Variants in PCDHB11 observed in about 807,000 individuals in gnomAD.
PCDHB11 encodes the protein protocadherin beta 11.
For missense variants in PCDHB11, 1,151 were observed against 1,003.4 expected (o/e 1.15, Z -1.99); for synonymous variants, 522 against 442.0 (o/e 1.18, Z -2.27).
Position 141,201,989 on chromosome 5 carries a change from G to A in PCDHB11, c.2215G>A (p.Val739Met), listed in dbSNP as rs113657993. The change falls in exon 1 of 1, where the codon GTG (valine) becomes ATG (methionine). Residue 739 changes from valine to methionine, a missense_variant. Coordinates refer to ENST00000354757, the MANE Select transcript of PCDHB11 (RefSeq NM_018931.3). ...CCCCTTTCCAGGGCATCTGGTGGAC[G>A]TGAGCGGCACCGGGACCCTTTCCCA... The part of the protein sequence containing the change: ...KGPFPGHLVD[V>M]SGTGTLSQSY... 6.2e-7 allele frequency: 1 copy of A among 1,614,174 alleles called. No individual in the cohort carries two copies. The highest frequency in any genetic ancestry group is 1.1e-5 in the South Asian group (1 of 91,082).
Position 141,202,252 on chromosome 5 carries a change from A to T in PCDHB11, c.*84A>T. On this transcript the variant is annotated 3_prime_UTR_variant, in exon 1 of 1. Transcript: ENST00000354757. Reference sequence around the variant, plus strand: ...TATTTAGTCTTAAACTAGTTACGTTATTATGCAATACGACTAATTGTATTT... The same window carrying T: ...TATTTAGTCTTAAACTAGTTACGTTTTTATGCAATACGACTAATTGTATTT... 8.5e-7 allele frequency: 1 copy of T among 1,171,600 alleles called. No homozygotes were observed. Among genetic ancestry groups the T allele is most frequent in the Non-Finnish European group, 1.2e-6 (1 of 845,626 alleles). 72.6% of individuals were successfully genotyped at this position (1,171,600 alleles called of 1,614,324 possible).
Position 141,202,378 on chromosome 5 carries a change from C to A in PCDHB11, c.*210C>A, listed in dbSNP as rs1588380865. On this transcript the variant is annotated 3_prime_UTR_variant, in exon 1 of 1. Coordinates refer to ENST00000354757, the MANE Select transcript of PCDHB11 (RefSeq NM_018931.3). ...GCAATGGTGTGATCTCAGCTCACTGCACCCTCCGCCTCTCGGGTTCAAGCA... is the reference window on the plus strand; with the variant it reads ...GCAATGGTGTGATCTCAGCTCACTGAACCCTCCGCCTCTCGGGTTCAAGCA... The A allele has an allele frequency of 2.4e-6, 1 of 416,406 alleles. No individual in the cohort carries two copies. The highest frequency in any genetic ancestry group is 4.1e-6 in the Non-Finnish European group (1 of 241,204). The allele number at this position is 416,406 out of a possible 1,614,324, so 25.8% of individuals were successfully genotyped here. A position where few individuals can be genotyped will look rare whatever the true frequency, so the allele number is the denominator to read the frequency against.
At position 141,201,988 on chromosome 5, in the gene PCDHB11, C is replaced by G. The variant is rs372415356; in HGVS notation, c.2214C>G (p.Asp738Glu). ...PKGPFPGHLV[D>E]VSGTGTLSQS... ...GCCCCTTTCCAGGGCATCTGGTGGA[C>G]GTGAGCGGCACCGGGACCCTTTCCC... The change falls in exon 1 of 1, where the codon GAC (aspartate) becomes GAG (glutamate). Residue 738 changes from aspartate (D) to glutamate (E), a missense_variant. Coordinates refer to ENST00000354757, the MANE Select transcript of PCDHB11 (RefSeq NM_018931.3). 4 of 1,614,050 alleles carry G rather than the reference C, an allele frequency of 2.5e-6. No individual in the cohort carries two copies. Among genetic ancestry groups the G allele is most frequent in the East Asian group, 2.2e-5 (1 of 44,882 alleles).
rs1754213949 is a variant in PCDHB11 at position 141,202,022 on chromosome 5, C to G, written c.2248C>G (p.Gln750Glu). 1.2e-6 allele frequency: 2 copies of G among 1,614,182 alleles called. No individual in the cohort carries two copies. Among genetic ancestry groups the G allele is most frequent in the Non-Finnish European group, 1.7e-6 (2 of 1,180,036 alleles). The change falls in exon 1 of 1, where the codon CAG becomes GAG. Residue 750 changes from glutamine (Q) to glutamate (E), a missense_variant. Transcript: ENST00000354757. ...SGTGTLSQSY[Q>E]YEVCLTGGSE... Reference sequence around the variant, plus strand: ...CACCGGGACCCTTTCCCAGAGCTACCAGTACGAGGTGTGTCTGACGGGAGG... The same window carrying G: ...CACCGGGACCCTTTCCCAGAGCTACGAGTACGAGGTGTGTCTGACGGGAGG...
At position 141,199,918 on chromosome 5, in the gene PCDHB11, G is replaced by A; in HGVS notation, c.144G>A (p.Leu48=). 1 of 1,614,158 alleles carries A rather than the reference G, an allele frequency of 6.2e-7. No homozygotes were observed. The highest frequency in any genetic ancestry group is 8.5e-7 in the Non-Finnish European group (1 of 1,180,034). The part of the protein sequence containing the change: ...EMQSGSFVGN[L]AKDLGLKVRE... Reference sequence around the variant, plus strand: ...AGAGCGGGAGTTTTGTAGGCAATCTGGCAAAGGACCTGGGGCTGAAGGTGA... The same window carrying A: ...AGAGCGGGAGTTTTGTAGGCAATCTAGCAAAGGACCTGGGGCTGAAGGTGA... The change falls in exon 1 of 1, where the codon CTG becomes CTA. Residue 48 remains leucine, a synonymous_variant. Coordinates refer to ENST00000354757, the MANE Select transcript of PCDHB11 (RefSeq NM_018931.3).
rs147936772 is a variant in PCDHB11, at chr5:141,201,182, A to C, written c.1408A>C (p.Ile470Leu). The change falls in exon 1 of 1, where the codon ATC becomes CTC. Residue 470 changes from isoleucine (I) to leucine (L), a missense_variant. Transcript: ENST00000354757. ...CGAGAACAACAGCCCCGCCCTGCAC[A>C]TCGGCAGTGTCAGCGCTACAGACAG... ...VRENNSPALH[I>L]GSVSATDRDS... 1 of 1,613,402 alleles carries C rather than the reference A, an allele frequency of 6.2e-7. No individual in the cohort carries two copies. Among genetic ancestry groups the C allele is most frequent in the Admixed American group, 1.7e-5 (1 of 60,006 alleles).
chr5:141,202,073 C>T lies in PCDHB11; in HGVS notation c.2299C>T (p.Leu767=). ...TTCCGAGACAAATGAATTCAAGTTC[C>T]TAAAACCGGTTATCCCTAATATCCA... is the stretch of plus-strand genomic sequence containing the variant. ...GGSETNEFKF[L]KPVIPNIQAK... Residue 767 remains leucine, a synonymous_variant, in exon 1 of 1, where the codon CTA becomes TTA. Transcript: ENST00000354757. 1.1e-5 allele frequency: 17 copies of T among 1,614,144 alleles called. No individual in the cohort carries two copies. Among genetic ancestry groups the T allele is most frequent in the Non-Finnish European group, 1.4e-5 (17 of 1,180,020 alleles).
In PCDHB11 at chr5:141,200,526, T is replaced by C. The variant is rs1554285314; in HGVS notation, c.752T>C (p.Ile251Thr). Residue 251 changes from isoleucine to threonine, a missense_variant, in exon 1 of 1, where the codon ATT (isoleucine) becomes ACT (threonine). By Grantham distance (89) the Ile-to-Thr change is moderately conservative. Coordinates refer to ENST00000354757, the MANE Select transcript of PCDHB11 (RefSeq NM_018931.3). ...GAGCAGGCTTTTTATGAGGTGAAGA[T>C]TCGGGAGAATAGCATCCTTGGCTCG... Reference protein sequence around the residue: ...EFEQAFYEVKIRENSILGSLI... With the variant: ...EFEQAFYEVKTRENSILGSLI... The C allele has an allele frequency of 3.1e-6, 5 of 1,614,182 alleles. No individual in the cohort carries two copies. In the Admixed American group the frequency reaches 6.7e-5, roughly 22 times the overall value.
Position 141,200,380 on chromosome 5 carries a change from T to C in PCDHB11, c.606T>C (p.Tyr202=). The C allele has an allele frequency of 6.2e-7, 1 of 1,614,188 alleles. No individual in the cohort carries two copies. Among genetic ancestry groups the C allele is most frequent in the Non-Finnish European group, 8.5e-7 (1 of 1,180,022 alleles). ...TAGTTCTGGACAAGGCGCTGGATTA[T>C]GAAGAGCTCCCGGAGCTCAGTTTCA... ...PELVLDKALD[Y]EELPELSFIL... is the part of the protein sequence containing the mutation. The change falls in exon 1 of 1, where the codon TAT becomes TAC. Residue 202 remains tyrosine (Y), a synonymous_variant. Coordinates refer to ENST00000354757, the MANE Select transcript of PCDHB11 (RefSeq NM_018931.3).
In PCDHB11 at chr5:141,199,977, C is replaced by T. The variant is rs148043227; in HGVS notation, c.203C>T (p.Ser68Phe). 6.3e-5 allele frequency: 101 copies of T among 1,614,100 alleles called. No homozygotes were observed. Among genetic ancestry groups the T allele is most frequent in the Admixed American group, 5.0e-4 (30 of 60,014 alleles). ...ELSSRGARVV[S>F]NDKKQRLQLD... ...TCCTCACGGGGGGCTCGGGTGGTCT[C>T]TAATGATAAGAAACAGCGTTTGCAG... Residue 68 changes from serine (S) to phenylalanine (F), a missense_variant, in exon 1 of 1, where the codon TCT becomes TTT. Coordinates refer to ENST00000354757, the MANE Select transcript of PCDHB11 (RefSeq NM_018931.3).
In PCDHB11 at chr5:141,203,485, T is replaced by C. The variant is rs1173737479; in HGVS notation, c.*1317T>C. 6.6e-6 allele frequency: 1 copy of C among 152,234 alleles called. No individual in the cohort carries two copies. Among genetic ancestry groups the C allele is most frequent in the Non-Finnish European group, 1.5e-5 (1 of 68,044 alleles). The allele number at this position is 152,234 out of a possible 1,614,324, so 9.4% of individuals were successfully genotyped here. The stretch of plus-strand genomic sequence containing the variant: ...CTGCCCTTCCAACCTTATTCTAACA[T>C]TCTATTTATTCATTTAAAAAGCCAC... On this transcript the variant is annotated 3_prime_UTR_variant, in exon 1 of 1. Transcript: ENST00000354757.
rs148762649 is a variant in PCDHB11, at chr5:141,202,042, G to A, written c.2268G>A (p.Thr756=). 2.0e-5 allele frequency: 32 copies of A among 1,614,046 alleles called. No individual in the cohort carries two copies. The highest frequency in any genetic ancestry group is 4.0e-5 in the African/African-American group (3 of 74,920). ...SQSYQYEVCL[T]GGSETNEFKF... Reference sequence around the variant, plus strand: ...GCTACCAGTACGAGGTGTGTCTGACGGGAGGTTCCGAGACAAATGAATTCA... The same window carrying A: ...GCTACCAGTACGAGGTGTGTCTGACAGGAGGTTCCGAGACAAATGAATTCA... Residue 756 remains threonine, a synonymous_variant, in exon 1 of 1, where the codon ACG becomes ACA. Coordinates refer to ENST00000354757, the MANE Select transcript of PCDHB11 (RefSeq NM_018931.3).
Position 141,201,512 on chromosome 5 carries a change from G to T in PCDHB11, c.1738G>T (p.Ala580Ser). 1 of 1,608,602 alleles carries T rather than the reference G, an allele frequency of 6.2e-7. No homozygotes were observed. Among genetic ancestry groups the T allele is most frequent in the East Asian group, 2.2e-5 (1 of 44,816 alleles). ...CTGCACCGAGCTGGTGCCCCGGGCG[G>T]CCGAGCCGGGCTACCTGGTGACCAA... ...APCTELVPRA[A>S]EPGYLVTKVV... Residue 580 changes from alanine (A) to serine (S), a missense_variant, in exon 1 of 1, where the codon GCC becomes TCC. Ala to Ser is a moderately conservative substitution (Grantham distance 99). Transcript: ENST00000354757.
Position 141,201,122 on chromosome 5 carries a change from A to G in PCDHB11, c.1348A>G (p.Thr450Ala), listed in dbSNP as rs61739364. The G allele has an allele frequency of 4.3e-5, 70 of 1,613,768 alleles. No individual in the cohort carries two copies. Among genetic ancestry groups the G allele is most frequent in the Non-Finnish European group, 5.5e-5 (65 of 1,180,006 alleles). The change falls in exon 1 of 1, where the codon ACC (threonine) becomes GCC (alanine). Residue 450 changes from threonine to alanine, a missense_variant. Coordinates refer to ENST00000354757, the MANE Select transcript of PCDHB11 (RefSeq NM_018931.3). ...CTCTGACGTCAATGACAACGCCCCC[A>G]CCTTCACCCAAACCTCCTACACCCT... ...LVSDVNDNAP[T>A]FTQTSYTLFV...
Position 141,202,288 on chromosome 5 carries a change from C to A in PCDHB11, c.*120C>A. 8 of 995,178 alleles carry A rather than the reference C, an allele frequency of 8.0e-6. No individual in the cohort carries two copies. Among genetic ancestry groups the A allele is most frequent in the East Asian group, 2.8e-5 (1 of 36,130 alleles). The allele number at this position is 995,178 out of a possible 1,614,324, so 61.6% of individuals were successfully genotyped here. A position where few individuals can be genotyped will look rare whatever the true frequency, so the allele number is the denominator to read the frequency against. On this transcript the variant is annotated 3_prime_UTR_variant, in exon 1 of 1. Coordinates refer to ENST00000354757, the MANE Select transcript of PCDHB11 (RefSeq NM_018931.3). Reference sequence around the variant, plus strand: ...CGACTAATTGTATTTTTAATTTTTTCTTTTCTCCCCCAATTTTTTTTTTTT... The same window carrying A: ...CGACTAATTGTATTTTTAATTTTTTATTTTCTCCCCCAATTTTTTTTTTTT...
rs781938950 is a variant in PCDHB11 at position 141,199,967 on chromosome 5, C to T, written c.193C>T (p.Arg65Trp). 6 of 1,614,030 alleles carry T rather than the reference C, an allele frequency of 3.7e-6. No homozygotes were observed. The highest frequency in any genetic ancestry group is 5.1e-6 in the Non-Finnish European group (6 of 1,180,022). Reference sequence around the variant, plus strand: ...GAGAGAACTGTCCTCACGGGGGGCTCGGGTGGTCTCTAATGATAAGAAACA... The same window carrying T: ...GAGAGAACTGTCCTCACGGGGGGCTTGGGTGGTCTCTAATGATAAGAAACA... Reference protein sequence around the residue: ...KVRELSSRGARVVSNDKKQRL... With the variant: ...KVRELSSRGAWVVSNDKKQRL... Residue 65 changes from arginine to tryptophan, a missense_variant, in exon 1 of 1, where the codon CGG becomes TGG. Coordinates refer to ENST00000354757, the MANE Select transcript of PCDHB11 (RefSeq NM_018931.3).
chr5:141,200,442 C>G lies in PCDHB11; in HGVS notation c.668C>G (p.Ser223Cys). 2 of 1,614,130 alleles carry G rather than the reference C, an allele frequency of 1.2e-6. No individual in the cohort carries two copies. Among genetic ancestry groups the G allele is most frequent in the Non-Finnish European group, 1.7e-6 (2 of 1,180,020 alleles). ...SALDGGSPPR[S>C]GTALVRVVVV... The stretch of plus-strand genomic sequence containing the variant: ...CTGGATGGTGGGTCCCCTCCCAGGT[C>G]TGGAACTGCCTTGGTCAGGGTGGTG... Residue 223 changes from serine (S) to cysteine (C), a missense_variant, in exon 1 of 1, where the codon TCT (serine) becomes TGT (cysteine). Physicochemically the swap from Ser to Cys is moderately radical, Grantham distance 112. Coordinates refer to ENST00000354757, the MANE Select transcript of PCDHB11 (RefSeq NM_018931.3).
At position 141,200,592 on chromosome 5, in the gene PCDHB11, C is replaced by A; in HGVS notation, c.818C>A (p.Thr273Lys). The A allele has an allele frequency of 6.2e-7, 1 of 1,614,194 alleles. No homozygotes were observed. The highest frequency in any genetic ancestry group is 1.3e-5 in the African/African-American group (1 of 75,042). ...IVSAWDLDSGTNGEICYTFSH... is the reference protein window; with the variant it reads ...IVSAWDLDSGKNGEICYTFSH... ...TCAGCTTGGGATTTAGACTCTGGAA[C>A]AAATGGTGAAATATGCTATACCTTT... is the stretch of plus-strand genomic sequence containing the variant. Residue 273 changes from threonine to lysine, a missense_variant, in exon 1 of 1, where the codon ACA becomes AAA. Coordinates refer to ENST00000354757, the MANE Select transcript of PCDHB11 (RefSeq NM_018931.3).
chr5:141,201,559 C>T lies in PCDHB11; in HGVS notation c.1785C>T (p.Asp595=). The T allele has an allele frequency of 6.2e-7, 1 of 1,608,794 alleles. No individual in the cohort carries two copies. Among genetic ancestry groups the T allele is most frequent in the Non-Finnish European group, 8.5e-7 (1 of 1,179,234 alleles). Residue 595 remains aspartate (D), a synonymous_variant, in exon 1 of 1, where the codon GAC becomes GAT. Transcript: ENST00000354757. ...CCAAGGTGGTGGCGGTGGACGGCGA[C>T]TCGGGCCAGAACGCCTGGCTGTCGT... is the stretch of plus-strand genomic sequence containing the variant. ...LVTKVVAVDG[D]SGQNAWLSYQ...
Sources: gnomAD v4.1 joint callset for allele counts on GRCh38, gnomAD v4.1.1 for gene constraint, MANE v1.5 for transcripts, NCBI Gene and HGNC (gene_info 2026-07-23, HGNC 2026-07-21) for gene names.